Variants in FCN3 observed in about 807,000 individuals in gnomAD.
FCN3 encodes ficolin 3, also known as ficolin-3.
A neutral mutation model predicts 31.5 loss-of-function variants in FCN3; 28 were observed. The ratio of observed to expected loss-of-function variants is 0.89; its 90% CI spans 0.66 to 1.22. The LOEUF (loss-of-function observed/expected upper bound fraction) is 1.22, where lower values mean the gene tolerates loss of function less well. Ranked by LOEUF, FCN3 falls within the 50% of genes most tolerant of loss-of-function variation. The pLI is 0.00. For missense variants in FCN3, 351 were observed against 386.8 expected (o/e 0.91, Z 0.78); for synonymous variants, 124 against 147.4 (o/e 0.84, Z 1.15).
chr1:27,370,926 C>A lies in FCN3; in HGVS notation c.440G>T (p.Trp147Leu), dbSNP rs199689497. 2.2e-5 allele frequency: 35 copies of A among 1,613,516 alleles called. No individual in the cohort carries two copies. The highest frequency in any genetic ancestry group is 2.0e-4 in the Admixed American group (12 of 59,952). ...QDGSVDFFRS[W>L]SSYRAGFGNQ... ...CCCAAAACCTGCTCTGTAGGAGGAC[C>A]AAGAGCGGAAGAAATCCACAGAACC... Residue 147 changes from tryptophan (W) to leucine (L), a missense_variant, in exon 6 of 8, where the codon TGG becomes TTG. Coordinates refer to ENST00000270879, the MANE Select transcript of FCN3 (RefSeq NM_003665.4).
chr1:27,372,773 A>ATTTTTTTTTTT (rs71010351), intron 5 of FCN3, among the ~76,000 whole-genome samples: 4 of 96,442 alleles, frequency 4.1e-5, no homozygotes, highest in Non-Finnish European at 7.9e-5. Flanking sequence ...TCCCTACCCT[A>ATTTTTTTTTTT]TTTTTTTTTT....
rs1357740445 is a variant in FCN3, at chr1:27,370,597, T to A, written c.657A>T (p.Ala219=). The A allele has an allele frequency of 1.2e-6, 2 of 1,613,952 alleles. No individual in the cohort carries two copies. Among genetic ancestry groups the A allele is most frequent in the East Asian group, 2.2e-5 (1 of 44,890 alleles). ...LALGKFSEGT[A]GDSLSLHSGR... ...TCTGCTCCCCTTAGGCTCACTCACC[T>A]GCAGTGCCCTCTGAGAACTTGCCCA... is the stretch of plus-strand genomic sequence containing the variant. The change falls in exon 7 of 8, where the codon GCA becomes GCT. Residue 219 remains alanine, a splice_region_variant and synonymous_variant. Transcript: ENST00000270879.
In FCN3 at chr1:27,374,803, T is replaced by A. The variant is rs1459935258; in HGVS notation, c.16A>T (p.Ile6Phe). Residue 6 changes from isoleucine (I) to phenylalanine (F), a missense_variant, in exon 1 of 8, where the codon ATC becomes TTC. Transcript: ENST00000270879. MDLLW[I>F]LPSLWLLLLG... ...AGGAGAAGCCACAGGGAGGGCAGGA[T>A]CCACAGTAGATCCATCTTGCTGGGC... 1.7e-5 allele frequency: 23 copies of A among 1,373,554 alleles called. No individual in the cohort carries two copies. Among genetic ancestry groups the A allele is most frequent in the South Asian group, 2.2e-5 (1 of 45,616 alleles). 85.1% of individuals were successfully genotyped at this position (1,373,554 alleles called of 1,614,324 possible).
intron 5 of FCN3, 137 bp downstream of exon 5, chr1:27,372,999 A>G (rs2016178060): frequency 9.1e-7 from 1 of 1,103,498 alleles, no homozygotes; most frequent in African/African-American, 1.6e-5. Flanking sequence ...TTCAGGTCCC[A>G]TTGGGGGCTC....
At chr1:27,373,607 T>C in intron 3 of FCN3, 87 bp from the exon 4 acceptor site, 2 of 1,384,764 alleles carry the variant, frequency 1.4e-6, no homozygotes, top group South Asian at 2.4e-5. Flanking sequence ...CAGGCCCTTT[T>C]CCGAATCCTT....
At position 27,374,356 on chromosome 1, in the gene FCN3, C is replaced by G; in HGVS notation, c.187G>C (p.Gly63Arg). 6.2e-7 allele frequency: 1 copy of G among 1,608,260 alleles called. No homozygotes were observed. Among genetic ancestry groups the G allele is most frequent in the Non-Finnish European group, 8.5e-7 (1 of 1,175,074 alleles). Reference sequence around the variant, plus strand: ...CAGCCCGCTCCCCAGCCCCTCTCACCTTGAGGACCTGGGGCTCCCTTCTCC... The same window carrying G: ...CAGCCCGCTCCCCAGCCCCTCTCACGTTGAGGACCTGGGGCTCCCTTCTCC... ...PGEKGAPGPQ[G>R]PPGPPGKMGP... Residue 63 changes from glycine to arginine, a missense_variant and splice_region_variant, in exon 2 of 8, where the codon GGG becomes CGG. Transcript: ENST00000270879.
chr1:27,370,713 C>T lies in FCN3; in HGVS notation c.541G>A (p.Val181Ile), dbSNP rs372282794. 3.7e-6 allele frequency: 6 copies of T among 1,614,078 alleles called. No individual in the cohort carries two copies. Among genetic ancestry groups the T allele is most frequent in the Non-Finnish European group, 5.1e-6 (6 of 1,180,026 alleles). The change falls in exon 7 of 8, where the codon GTA becomes ATA. Residue 181 changes from valine to isoleucine, a missense_variant. Coordinates refer to ENST00000270879, the MANE Select transcript of FCN3 (RefSeq NM_003665.4). ...LTLQGNWELR[V>I]ELEDFNGNRT... is the part of the protein sequence containing the mutation. ...TTACCATTAAAGTCTTCCAGCTCTA[C>T]CCGCAGCTCCCAGTTACCTGGAAAG...
Position 27,374,418 on chromosome 1 carries a change from A to G in FCN3, c.125T>C (p.Leu42Pro), listed in dbSNP as rs1557578208. Residue 42 changes from leucine to proline, a missense_variant, in exon 2 of 8, where the codon CTC (leucine) becomes CCC (proline). Transcript: ENST00000270879. ...PRELEASKVV[L>P]LPSCPGAPGS... is the part of the protein sequence containing the mutation. ...TGGAGCTCCGGGACAACTGGGCAGG[A>G]GGACAACTTTGCTGGCTTCCAGTTC... 2 of 1,613,884 alleles carry G rather than the reference A, an allele frequency of 1.2e-6. No individual in the cohort carries two copies. Among genetic ancestry groups the G allele is most frequent in the Non-Finnish European group, 8.5e-7 (1 of 1,179,928 alleles).
rs760012512 is a variant in FCN3, at chr1:27,369,484, G to C, written c.659-7C>G. The C allele has an allele frequency of 2.5e-6, 4 of 1,612,300 alleles. No homozygotes were observed. The South Asian group carries it at 3.3e-5, about 13-fold the overall frequency. On this transcript the variant is annotated splice_polypyrimidine_tract_variant and splice_region_variant and intron_variant, in intron 7 of 7. Coordinates refer to ENST00000270879, the MANE Select transcript of FCN3 (RefSeq NM_003665.4). ...TGGAGGCTCAGGGAATCCCCTAGCA[G>C]GGAAGGGATGGAAAGCACCTTGGTG...
intron 1 of FCN3, 23 bp downstream of exon 1, chr1:27,374,705 A>G (rs761868698): frequency 3.6e-6 from 5 of 1,376,952 alleles, no homozygotes; most frequent in African/African-American, 3.0e-5. Context: ...TGGGTTGGTG[A>G]GGAGGGCACC....
chr1:27,371,709 T>C (rs960002927), intron 5 of FCN3, among the ~76,000 whole-genome samples: 6 of 152,216 alleles, frequency 3.9e-5, no homozygotes, highest in Admixed American at 6.5e-5. Context: ...CCAGGTCCTA[T>C]AGAGTTGTCA....
chr1:27,369,567 T>C, intron 7 of FCN3, 90 bp from the exon 8 acceptor site: 1 of 1,273,756 alleles, frequency 7.9e-7, no homozygotes. Context: ...TCAGAGCAAC[T>C]AAGAGTTGAA....
chr1:27,369,784 G>T (rs763643389), intron 7 of FCN3, among the ~76,000 whole-genome samples: 18 of 149,906 alleles, frequency 1.2e-4, no homozygotes, highest in Admixed American at 2.7e-4. Flanking sequence ...GAGCAACTCT[G>T]CTAGGAAAAG....
rs768795527 is a variant in FCN3, at chr1:27,370,750, G to C, written c.524-20C>G. The stretch of plus-strand genomic sequence containing the variant: ...AGTTACCTGGAAAGAAGGGGAGGCA[G>C]GGATGGAGGAATCCTCAGTTCTTGG... On this transcript the variant is annotated intron_variant, in intron 6 of 7. Coordinates refer to ENST00000270879, the MANE Select transcript of FCN3 (RefSeq NM_003665.4). 4.3e-6 allele frequency: 7 copies of C among 1,613,702 alleles called. No individual in the cohort carries two copies. Among genetic ancestry groups the C allele is most frequent in the Non-Finnish European group, 5.9e-6 (7 of 1,179,640 alleles).
chr1:27,370,087 A>G (rs548629523), intron 7 of FCN3, among the ~76,000 whole-genome samples: 2 of 150,384 alleles, frequency 1.3e-5, no homozygotes, highest in African/African-American at 4.9e-5. Flanking sequence ...GCTCGCTGCA[A>G]CCTCTGCCTC....
At position 27,369,439 on chromosome 1, in the gene FCN3, T is replaced by C; in HGVS notation, c.697A>G (p.Thr233Ala). Residue 233 changes from threonine (T) to alanine (A), a missense_variant, in exon 8 of 8, where the codon ACC becomes GCC. Transcript: ENST00000270879. ...CTTGAATCGTGGTCAGCGTCATAGG[T>C]GGTAAAGGGCCTCCCACTGTGGAGG... ...LSLHSGRPFT[T>A]YDADHDSSNS... 1 of 1,613,998 alleles carries C rather than the reference T, an allele frequency of 6.2e-7. No individual in the cohort carries two copies. The highest frequency in any genetic ancestry group is 8.5e-7 in the Non-Finnish European group (1 of 1,179,954).
At chr1:27,372,049 CTG>C (rs1339066846) in intron 5 of FCN3, among the ~76,000 whole-genome samples, 2 of 152,052 alleles carry the variant, frequency 1.3e-5, no homozygotes, top group African/African-American at 4.8e-5. Context: ...GTGTGAGCTA[CTG>C]TGTCAGGCCT....
intron 3 of FCN3, 192 bp from the exon 4 acceptor site, chr1:27,373,712 A>C (rs1158624686): frequency 2.1e-5 from 14 of 661,508 alleles, no homozygotes; most frequent in African/African-American, 6.2e-5. Context: ...AGCCTTCCAA[A>C]CCCTGTAGGA....
At chr1:27,373,592 G>C (rs1055653768) in intron 3 of FCN3, 72 bp from the exon 4 acceptor site, 1 of 1,525,546 alleles carries the variant, frequency 6.6e-7, no homozygotes, top group African/African-American at 1.4e-5. Context: ...AGTGGAGCCG[G>C]TACCCAGGCC....
Sources: gnomAD v4.1 joint callset for allele counts (sites outside exome capture counted in the v4.1 genomes callset) on GRCh38, gnomAD v4.1.1 for gene constraint, MANE v1.5 for transcripts, NCBI Gene and HGNC (gene_info 2026-07-23, HGNC 2026-07-21) for gene names.